The following KIF26A variants were observed in gnomAD, a reference collection of about 807,000 sequenced individuals.
KIF26A encodes kinesin family member 26A.
KIF26A carries 74 observed loss-of-function variants against 126.0 expected under a neutral mutation model. The observed-to-expected ratio is 0.59, with a 90% CI of 0.49 to 0.71. The LOEUF (loss-of-function observed/expected upper bound fraction) is 0.71, where lower values mean the gene tolerates loss of function less well. Among genes scored for constraint, KIF26A ranks in the 30% least tolerant of loss-of-function variants. KIF26A has a pLI of 0.00. For missense variants in KIF26A, 2,984 were observed against 2,763.3 expected, an observed-to-expected ratio of 1.08 and a Z score of -1.79; for synonymous variants, 1,445 against 1,232.7, an observed-to-expected ratio of 1.17 and a Z score of -3.61.
At position 104,177,691 on chromosome 14, in the gene KIF26A, A is replaced by G; in HGVS notation, c.4903A>G (p.Ser1635Gly). 1 of 1,531,276 alleles carries G rather than the reference A, an allele frequency of 6.5e-7. No homozygotes were observed. Among genetic ancestry groups the G allele is most frequent in the Non-Finnish European group, 8.7e-7 (1 of 1,144,234 alleles). The allele number at this position is 1,531,276 out of a possible 1,614,324, so 94.9% of individuals were successfully genotyped here. A position where few individuals can be genotyped will look rare whatever the true frequency, so the allele number is the denominator to read the frequency against. Residue 1635 changes from serine to glycine, a missense_variant, in exon 12 of 15, where the codon AGC becomes GGC. Coordinates refer to ENST00000423312, the MANE Select transcript of KIF26A (RefSeq NM_015656.2). Reference sequence around the variant, plus strand: ...CAGCGGCCATGGCAGCGACAACAGCAGCGTGCTGAGTGGAGAGCTGCCGCC... The same window carrying G: ...CAGCGGCCATGGCAGCGACAACAGCGGCGTGCTGAGTGGAGAGCTGCCGCC... ...YSSGHGSDNS[S>G]VLSGELPPAM...
intron 5 of KIF26A, among the ~76,000 whole-genome samples, chr14:104,170,779 GT>G (rs1483536651): frequency 2.6e-5 from 4 of 152,276 alleles, no homozygotes; most frequent in Non-Finnish European, 4.4e-5. Context: ...GTTTCGGAGT[GT>G]TTGCAGTGAT....
At chr14:104,144,839 A>G (rs1209061032) in intron 2 of KIF26A, among the ~76,000 whole-genome samples, 1 of 152,244 alleles carries the variant, frequency 6.6e-6, no homozygotes, top group African/African-American at 2.4e-5. Flanking sequence ...TAAATAAGTA[A>G]GAGTAAAAGT....
Position 104,175,560 on chromosome 14 carries a change from A to T in KIF26A, c.2772A>T (p.Arg924Ser). Residue 924 changes from arginine to serine, a missense_variant, in exon 12 of 15, where the codon AGA (arginine) becomes AGT (serine). Arg to Ser is a moderately radical substitution (Grantham distance 110, BLOSUM62 -1). Transcript: ENST00000423312. The stretch of plus-strand genomic sequence containing the variant: ...AGGCCATTGTCTGGGGTGACCAGAG[A>T]GAGGACAGCAGCGCTTGGCCTGAGC... ...PCKAIVWGDQREDSSAWPELL... is the reference protein window; with the variant it reads ...PCKAIVWGDQSEDSSAWPELL... 6.2e-7 allele frequency: 1 copy of T among 1,605,466 alleles called. No homozygotes were observed.
rs1466034674 is a variant in KIF26A, at chr14:104,167,044, G to A, written c.1109G>A (p.Gly370Glu). Residue 370 changes from glycine to glutamate, a missense_variant, in exon 5 of 15, where the codon GGG becomes GAG. Physicochemically the swap from Gly to Glu is moderately conservative, Grantham distance 98. Coordinates refer to ENST00000423312, the MANE Select transcript of KIF26A (RefSeq NM_015656.2). Reference protein sequence around the residue: ...SKTKDNPGSIGKVKVMLRIWP... With the variant: ...SKTKDNPGSIEKVKVMLRIWP... ...ACCAAGGACAACCCTGGCAGCATCGGGAAGGTAGACGCAGCCCCGAGTTCG... is the reference window on the plus strand; with the variant it reads ...ACCAAGGACAACCCTGGCAGCATCGAGAAGGTAGACGCAGCCCCGAGTTCG... The A allele has an allele frequency of 3.2e-6, 5 of 1,553,870 alleles. No individual in the cohort carries two copies. The East Asian group carries it at 9.4e-5, about 29-fold the overall frequency.
rs1306645090 is a variant in KIF26A, at chr14:104,175,746, G to A, written c.2958G>A (p.Gly986=). ...GGACCCCTCCCGTGGGCATGAGTGG[G>A]CAGGTGGCTGGGTCCCCGATGCTTC... ...VARTPPVGMS[G]QVAGSPMLPG... is the part of the protein sequence containing the mutation. The change falls in exon 12 of 15, where the codon GGG becomes GGA. Residue 986 remains glycine (G), a synonymous_variant. Coordinates refer to ENST00000423312, the MANE Select transcript of KIF26A (RefSeq NM_015656.2). 6.5e-7 allele frequency: 1 copy of A among 1,548,312 alleles called. No individual in the cohort carries two copies. The highest frequency in any genetic ancestry group is 8.7e-7 in the Non-Finnish European group (1 of 1,149,044).
chr14:104,138,792 G>A, intron 1 of KIF26A, 28 bp downstream of exon 1: 6 of 1,259,490 alleles, frequency 4.8e-6, no homozygotes, highest in Non-Finnish European at 6.0e-6. Context: ...TGGAGAGGGA[G>A]GCGGGCGGCG....
rs2038081950 is a variant in KIF26A, at chr14:104,179,814, G to A, written c.*24G>A. 9 of 1,501,980 alleles carry A rather than the reference G, an allele frequency of 6.0e-6. No individual in the cohort carries two copies. The South Asian group carries it at 1.2e-4, about 20-fold the overall frequency. 93.0% of individuals were successfully genotyped at this position (1,501,980 alleles called of 1,614,324 possible). On this transcript the variant is annotated 3_prime_UTR_variant, in exon 15 of 15. Coordinates refer to ENST00000423312, the MANE Select transcript of KIF26A (RefSeq NM_015656.2). The stretch of plus-strand genomic sequence containing the variant: ...GAGGCTGGGCGCCGGACAAGAGGAG[G>A]GGGCGTGCAGCGGGCTGGAGGACGG...
At chr14:104,157,442 C>T (rs982557794) in intron 3 of KIF26A, among the ~76,000 whole-genome samples, 5 of 152,080 alleles carry the variant, frequency 3.3e-5, no homozygotes, top group Non-Finnish European at 7.4e-5. Flanking sequence ...GGGGGAGAGG[C>T]GGAAAGTCTG....
At chr14:104,168,994 G>A (rs931992254) in intron 5 of KIF26A, among the ~76,000 whole-genome samples, 4 of 152,214 alleles carry the variant, frequency 2.6e-5, no homozygotes, top group African/African-American at 7.2e-5. Context: ...TGCCCGGCAC[G>A]GGCTGTTTCT....
Position 104,177,406 on chromosome 14 carries a change from G to T in KIF26A, c.4618G>T (p.Ala1540Ser), listed in dbSNP as rs1309044358. The T allele has an allele frequency of 6.7e-7, 1 of 1,499,386 alleles. No homozygotes were observed. Among genetic ancestry groups the T allele is most frequent in the African/African-American group, 1.4e-5 (1 of 71,960 alleles). 92.9% of individuals were successfully genotyped at this position (1,499,386 alleles called of 1,614,324 possible). Residue 1540 changes from alanine (A) to serine (S), a missense_variant, in exon 12 of 15, where the codon GCC becomes TCC. By Grantham distance (99) the Ala-to-Ser change is moderately conservative. Coordinates refer to ENST00000423312, the MANE Select transcript of KIF26A (RefSeq NM_015656.2). ...GGCCGGTCCCAGAGCAGCCCCACGG[G>T]CCGGGCCCAGTGTCGGGGCGAAGGC... is the stretch of plus-strand genomic sequence containing the variant. ...PVAGPRAAPRAGPSVGAKAGR... is the reference protein window; with the variant it reads ...PVAGPRAAPRSGPSVGAKAGR...
chr14:104,173,392 G>A lies in KIF26A; in HGVS notation c.1746G>A (p.Ala582=), dbSNP rs915648835. ...AGAAGGCGGCTTTCTACCTGGATGC[G>A]GCCCTGGCGGCCCGCAGCACCAGCC... ...TAEKAAFYLD[A]ALAARSTSRA... is the part of the protein sequence containing the mutation. Residue 582 remains alanine, a synonymous_variant, in exon 9 of 15, where the codon GCG becomes GCA. Coordinates refer to ENST00000423312, the MANE Select transcript of KIF26A (RefSeq NM_015656.2). The A allele has an allele frequency of 2.0e-5, 32 of 1,583,678 alleles. No individual in the cohort carries two copies. The highest frequency in any genetic ancestry group is 2.7e-5 in the Non-Finnish European group (31 of 1,166,334).
At chr14:104,177,944 T>C (rs752755448) in intron 12 of KIF26A, 46 bp downstream of exon 12, 1 of 1,443,120 alleles carries the variant, frequency 6.9e-7, no homozygotes, top group East Asian at 2.5e-5. Context: ...GGGCTTTCTG[T>C]GTGTAGATGT....
At chr14:104,160,719 T>G (rs968598384) in intron 4 of KIF26A, among the ~76,000 whole-genome samples, 8 of 152,266 alleles carry the variant, frequency 5.3e-5, no homozygotes, top group Admixed American at 2.0e-4. Context: ...GCCCCGCTGG[T>G]TTGTGCCGGC....
Position 104,177,856 on chromosome 14 carries a change from G to T in KIF26A, c.5068G>T (p.Ala1690Ser). 2 of 1,558,574 alleles carry T rather than the reference G, an allele frequency of 1.3e-6. No individual in the cohort carries two copies. The highest frequency in any genetic ancestry group is 1.7e-6 in the Non-Finnish European group (2 of 1,158,868). The change falls in exon 12 of 15, where the codon GCC (alanine) becomes TCC (serine). Residue 1690 changes from alanine (A) to serine (S), a missense_variant. Transcript: ENST00000423312. Reference sequence around the variant, plus strand: ...CGAGAGTGGGGCTGCCTCCCCAGGCGCCCGCACCCGCAGCCTCAAGTCCCC... The same window carrying T: ...CGAGAGTGGGGCTGCCTCCCCAGGCTCCCGCACCCGCAGCCTCAAGTCCCC... The part of the protein sequence containing the change: ...MSESGAASPG[A>S]RTRSLKSPKK...
rs1324826983 is a variant in KIF26A, at chr14:104,175,333, G to T, written c.2545G>T (p.Glu849Ter). The T allele has an allele frequency of 1.9e-6, 3 of 1,603,756 alleles. No individual in the cohort carries two copies. The highest frequency in any genetic ancestry group is 2.5e-6 in the Non-Finnish European group (3 of 1,179,422). ...CTTCGCGGAGCTGCAGGAGCGGCTG[G>T]AATGCATGGACGGCAACGAGGGTCC... ...STFAELQERL[E>*]CMDGNEGPSG... Residue 849 changes from glutamate to a stop codon, truncating the protein, a stop_gained, in exon 12 of 15, where the codon GAA (glutamate) becomes TAA (stop). Transcript: ENST00000423312. LOFTEE classifies it high-confidence loss of function.
At chr14:104,168,952 G>A (rs540186324) in intron 5 of KIF26A, among the ~76,000 whole-genome samples, 21 of 152,324 alleles carry the variant, frequency 1.4e-4, no homozygotes, top group African/African-American at 4.3e-4. Context: ...GGGGTCTGCG[G>A]GGAACAAGGG....
At chr14:104,171,007 C>T (rs1284209268) in intron 5 of KIF26A, among the ~76,000 whole-genome samples, 5 of 152,260 alleles carry the variant, frequency 3.3e-5, no homozygotes, top group African/African-American at 1.2e-4. Context: ...GCCCAACCCA[C>T]CCTCAGCCTG....
chr14:104,157,271 A>T (rs2037788559), intron 3 of KIF26A, among the ~76,000 whole-genome samples: 1 of 152,182 alleles, frequency 6.6e-6, no homozygotes, highest in Non-Finnish European at 1.5e-5. Flanking sequence ...AGCGCCACAC[A>T]TCACCGTACG....
chr14:104,158,640 C>A lies in KIF26A; in HGVS notation c.923+698C>A, dbSNP rs146671695. Reference sequence around the variant, plus strand: ...TGCTCTCCCCCCTGCTGATCCCCACCACTGCCAGAATGCCAGGCCTGAGGC... The same window carrying A: ...TGCTCTCCCCCCTGCTGATCCCCACAACTGCCAGAATGCCAGGCCTGAGGC... On this transcript the variant is annotated intron_variant, in intron 4 of 14. Coordinates refer to ENST00000423312, the MANE Select transcript of KIF26A (RefSeq NM_015656.2). Among the ~76,000 whole-genome samples, 558 of 152,340 alleles carry A rather than the reference C, an allele frequency of 3.7e-3. 5 individuals are homozygous for A. Among genetic ancestry groups the A allele is most frequent in the African/African-American group, 0.013 (544 of 41,570 alleles).
Sources: gnomAD v4.1 joint callset for allele counts (sites outside exome capture counted in the v4.1 genomes callset) on GRCh38, gnomAD v4.1.1 for gene constraint, MANE v1.5 for transcripts, NCBI Gene and HGNC (gene_info 2026-07-23, HGNC 2026-07-21) for gene names.